DCAF17: variants seen among roughly 807,000 people sequenced by gnomAD.
DCAF17 encodes DDB1- and CUL4-associated factor 17.
Under a neutral mutation model 66.0 loss-of-function variants are expected in DCAF17, and 48 were observed. That is an observed-to-expected ratio of 0.73 (90% CI 0.58 to 0.92). DCAF17 has a LOEUF of 0.92. Among genes scored for constraint, DCAF17 ranks in the 40% least tolerant of loss-of-function variants. DCAF17 has a pLI of 0.00. For synonymous variants in DCAF17, 206 were observed against 214.6 expected (o/e 0.96, Z 0.35); for missense variants, 562 against 622.8 (o/e 0.90, Z 1.04).
chr2:171,483,447 G>T lies in DCAF17; in HGVS notation c.*2333G>T. 2.2e-6 allele frequency: 1 copy of T among 454,104 alleles called. No homozygotes were observed. The highest frequency in any genetic ancestry group is 4.4e-6 in the Non-Finnish European group (1 of 226,798). The allele number at this position is 454,104 out of a possible 1,614,324, so 28.1% of individuals were successfully genotyped here. On this transcript the variant is annotated 3_prime_UTR_variant, in exon 14 of 14. Transcript: ENST00000375255. ...TTCTGCATTGCACTCCTGGATCTAAGTTTCTGCATTCTCAGAGCATCAATG... is the reference window on the plus strand; with the variant it reads ...TTCTGCATTGCACTCCTGGATCTAATTTTCTGCATTCTCAGAGCATCAATG...
At chr2:171,447,222 A>G (rs1694679923) in intron 3 of DCAF17, among the ~76,000 whole-genome samples, 1 of 152,174 alleles carries the variant, frequency 6.6e-6, no homozygotes, top group Non-Finnish European at 1.5e-5. Context: ...ATACAAACAA[A>G]AATTATTTTT....
Position 171,458,474 on chromosome 2 carries a change from A to G in DCAF17, c.835A>G (p.Thr279Ala). The G allele has an allele frequency of 6.2e-7, 1 of 1,609,452 alleles. No homozygotes were observed. The change falls in exon 8 of 14, where the codon ACA becomes GCA. Residue 279 changes from threonine to alanine, a missense_variant. By Grantham distance (58) the Thr-to-Ala change is moderately conservative (BLOSUM62 0). Around this residue, in one of 3 missense-constraint regions of DCAF17, gnomAD observed 348 missense variants for 355.9 expected, o/e 0.98. Coordinates refer to ENST00000375255, the MANE Select transcript of DCAF17 (RefSeq NM_025000.4). ...TGGCATTCCTTGTAATATTAAAATC[A>G]CAGGTATGGCTACTCTATAGTATTT... ...PFGIPCNIKI[T>A]DMPPLLFEVS...
rs781164465 is a variant in DCAF17 at position 171,443,619 on chromosome 2, A to T, written c.321+6A>T. 7 of 1,610,776 alleles carry T rather than the reference A, an allele frequency of 4.3e-6. No homozygotes were observed. In the Admixed American group the frequency reaches 1.2e-4, roughly 27 times the overall value. On this transcript the variant is annotated splice_donor_region_variant and intron_variant, in intron 3 of 13. Coordinates refer to ENST00000375255, the MANE Select transcript of DCAF17 (RefSeq NM_025000.4). ...TATTATGGGAATGCCCAGTGGTAAG[A>T]TTTGTTTTTAGAGCGTTTGTTTCTA...
chr2:171,472,783 A>G (rs904615656), intron 9 of DCAF17: 42 of 188,516 alleles, frequency 2.2e-4, no homozygotes, highest in Admixed American at 2.2e-3. Flanking sequence ...TAGCCTATCA[A>G]TATATGCTAA....
chr2:171,483,992 A>G lies in DCAF17; in HGVS notation c.*2878A>G, dbSNP rs1001135273. 1 of 453,784 alleles carries G rather than the reference A, an allele frequency of 2.2e-6. No individual in the cohort carries two copies. The highest frequency in any genetic ancestry group is 4.4e-6 in the Non-Finnish European group (1 of 226,714). 28.1% of individuals were successfully genotyped at this position (453,784 alleles called of 1,614,324 possible). A position where few individuals can be genotyped will look rare whatever the true frequency, so the allele number is the denominator to read the frequency against. ...CTAGATATGTAGGAAAGTGCTTAAT[A>G]ATCGTTTTTTACTGATGATTCAGTG... On this transcript the variant is annotated 3_prime_UTR_variant, in exon 14 of 14. Coordinates refer to ENST00000375255, the MANE Select transcript of DCAF17 (RefSeq NM_025000.4).
At chr2:171,460,536 TA>T (rs1695521747) in intron 8 of DCAF17, among the ~76,000 whole-genome samples, 3 of 146,880 alleles carry the variant, frequency 2.0e-5, no homozygotes, top group Admixed American at 1.4e-4. Flanking sequence ...TTATTATTAT[TA>T]TTATTAATTT....
Position 171,453,106 on chromosome 2 carries a change from T to G in DCAF17, c.538-18T>G. 6.3e-7 allele frequency: 1 copy of G among 1,580,200 alleles called. No homozygotes were observed. The highest frequency in any genetic ancestry group is 8.6e-7 in the Non-Finnish European group (1 of 1,158,872). On this transcript the variant is annotated intron_variant, in intron 5 of 13. Transcript: ENST00000375255. ...AGTACTTTTGAGAGCTGCGTGTAAT[T>G]GTAGTCTTTCCTTCTAGGCAGGCAT...
At chr2:171,461,551 G>A (rs1052054830) in intron 8 of DCAF17, among the ~76,000 whole-genome samples, 5 of 152,154 alleles carry the variant, frequency 3.3e-5, no homozygotes, top group African/African-American at 1.2e-4. Flanking sequence ...TCCTTGATGT[G>A]TAATTTTCTA....
rs1241614222 is a variant in DCAF17, at chr2:171,484,099, A to G, written c.*2985A>G. 4.4e-6 allele frequency: 2 copies of G among 453,844 alleles called. No homozygotes were observed. The highest frequency in any genetic ancestry group is 4.0e-5 in the African/African-American group (2 of 50,018). 28.1% of individuals were successfully genotyped at this position (453,844 alleles called of 1,614,324 possible). A position where few individuals can be genotyped will look rare whatever the true frequency, so the allele number is the denominator to read the frequency against. On this transcript the variant is annotated 3_prime_UTR_variant, in exon 14 of 14. Transcript: ENST00000375255. ...TGTAGTTCTTCATTCAATGGTTAGC[A>G]GTCATTAAAAGGTACTTTCCCTTTG...
In DCAF17 at chr2:171,448,806, T is replaced by C; in HGVS notation, c.447T>C (p.Tyr149=). Residue 149 remains tyrosine, a synonymous_variant, in exon 4 of 14, where the codon TAT becomes TAC. Transcript: ENST00000375255. ...KILEKIYLAP[Y]CKFRYLSWDT... ...TTGAGAAAATATATCTTGCACCTTA[T>C]TGCAAATTCAGGTATTTACTGTGAA... 5 of 1,612,878 alleles carry C rather than the reference T, an allele frequency of 3.1e-6. 1 individual carries two copies. Among genetic ancestry groups the C allele is most frequent in the African/African-American group, 2.7e-5 (2 of 75,036 alleles).
chr2:171,477,453 AT>A (rs11449615), intron 11 of DCAF17, among the ~76,000 whole-genome samples: 23 of 150,812 alleles, frequency 1.5e-4, no homozygotes, highest in African/African-American at 3.9e-4. Flanking sequence ...CTTTTAAATA[AT>A]TTTTTTTTTG....
intron 8 of DCAF17, among the ~76,000 whole-genome samples, chr2:171,460,627 C>G (rs1695530617): frequency 6.6e-6 from 1 of 151,904 alleles, no homozygotes; most frequent in African/African-American, 2.4e-5. Flanking sequence ...ACCTCTTGGG[C>G]TCAAGTGATC....
At chr2:171,461,574 A>G (rs1695589065) in intron 8 of DCAF17, among the ~76,000 whole-genome samples, 1 of 152,214 alleles carries the variant, frequency 6.6e-6, no homozygotes, top group South Asian at 2.1e-4. Context: ...CTTATAATGT[A>G]TATATTTCTA....
intron 6 of DCAF17, among the ~76,000 whole-genome samples, chr2:171,456,763 A>T (rs550218844): frequency 1.3e-5 from 2 of 152,136 alleles, no homozygotes; most frequent in Non-Finnish European, 2.9e-5. Flanking sequence ...GAGTTTGTTC[A>T]TTATTTAACT....
chr2:171,445,618 T>C (rs1356165604), intron 3 of DCAF17, among the ~76,000 whole-genome samples: 3 of 152,232 alleles, frequency 2.0e-5, no homozygotes, highest in Non-Finnish European at 4.4e-5. Flanking sequence ...GAACGTATTA[T>C]ATTTGCTGCT....
At chr2:171,478,096 A>C (rs774050739) in intron 12 of DCAF17, 26 bp downstream of exon 12, 29 of 1,565,246 alleles carry the variant, frequency 1.9e-5, no homozygotes, top group Non-Finnish European at 2.6e-5. Context: ...GAGATGACAA[A>C]CCAAACCAGT....
chr2:171,483,227 C>A lies in DCAF17; in HGVS notation c.*2113C>A, dbSNP rs139529937. On this transcript the variant is annotated 3_prime_UTR_variant, in exon 14 of 14. Coordinates refer to ENST00000375255, the MANE Select transcript of DCAF17 (RefSeq NM_025000.4). ...TCTGCCACCTGCCAGACATTAATGT[C>A]TTCCTGCCCTACCTAAACCCCCTCT... 101 of 454,106 alleles carry A rather than the reference C, an allele frequency of 2.2e-4. 1 individual carries two copies. In the Middle Eastern group the frequency reaches 5.5e-3, roughly 25 times the overall value. 28.1% of individuals were successfully genotyped at this position (454,106 alleles called of 1,614,324 possible).
At chr2:171,445,646 G>C (rs1163882311) in intron 3 of DCAF17, among the ~76,000 whole-genome samples, 1 of 152,022 alleles carries the variant, frequency 6.6e-6, no homozygotes, top group Non-Finnish European at 1.5e-5. Context: ...ATTTTGATAG[G>C]CAAGTTATAA....
chr2:171,457,822 A>G, intron 6 of DCAF17, 149 bp from the exon 7 acceptor site: 1 of 771,112 alleles, frequency 1.3e-6, no homozygotes, highest in East Asian at 2.5e-5. Context: ...CCTAGCCTCA[A>G]GGTGATAAAT....
Sources: gnomAD v4.1 joint callset for allele counts (sites outside exome capture counted in the v4.1 genomes callset) on GRCh38, gnomAD v4.1.1 for gene constraint, gnomAD v4.1.1 regional missense constraint, MANE v1.5 for transcripts, NCBI Gene and HGNC (gene_info 2026-07-23, HGNC 2026-07-21) for gene names.